Variants in TTC8 observed in about 807,000 individuals in gnomAD.
TTC8 encodes the protein tetratricopeptide repeat protein 8.
A neutral mutation model predicts 72.5 loss-of-function variants in TTC8; 47 were observed. That is an observed-to-expected ratio of 0.65 (90% CI 0.51 to 0.83). The LOEUF is 0.83. Ranked by LOEUF, TTC8 falls within the 40% of genes least tolerant of loss-of-function variation. TTC8 has a pLI of 0.00. For missense variants in TTC8, 611 were observed against 623.2 expected, an observed-to-expected ratio of 0.98 and a Z score of 0.21; for synonymous variants, 199 against 221.4, an observed-to-expected ratio of 0.90 and a Z score of 0.90.
intron 10 of TTC8, among the ~76,000 whole-genome samples, chr14:88,866,382 A>AACACACACACACACAC (rs10553603): frequency 1.4e-5 from 2 of 146,576 alleles, no homozygotes; most frequent in South Asian, 2.2e-4. Context: ...GGGAGATTTA[A>AACACACACACACACAC]ACACACACAC....
chr14:88,840,932 T>G lies in TTC8; in HGVS notation c.329+4T>G. ...GAGGGCCTAGCCAGGCCGTTAGGTA[T>G]GTACTTCTGCTTCATAACCTCTGCC... is the stretch of plus-strand genomic sequence containing the variant. On this transcript the variant is annotated splice_donor_region_variant and intron_variant, in intron 4 of 14. Coordinates refer to ENST00000380656, the MANE Select transcript of TTC8 (RefSeq NM_144596.4). 6.2e-7 allele frequency: 1 copy of G among 1,614,144 alleles called. No individual in the cohort carries two copies. Among genetic ancestry groups the G allele is most frequent in the Non-Finnish European group, 8.5e-7 (1 of 1,179,994 alleles).
intron 14 of TTC8, among the ~76,000 whole-genome samples, chr14:88,876,239 C>A (rs1419971940): frequency 6.6e-6 from 1 of 152,150 alleles, no homozygotes; most frequent in Non-Finnish European, 1.5e-5. Context: ...GTATATAACT[C>A]AAATGAGATA....
intron 14 of TTC8, among the ~76,000 whole-genome samples, chr14:88,875,384 A>G (rs111784687): frequency 7.9e-5 from 12 of 152,218 alleles, no homozygotes; most frequent in African/African-American, 2.9e-4. Flanking sequence ...AGAAATACTC[A>G]CTTAATAACT....
At chr14:88,832,157 A>C (rs1180985073) in intron 1 of TTC8, among the ~76,000 whole-genome samples, 1 of 152,172 alleles carries the variant, frequency 6.6e-6, no homozygotes, top group East Asian at 1.9e-4. Context: ...CTCTTCATCC[A>C]CATGATCAGC....
At chr14:88,825,375 G>A (rs981477749) in intron 1 of TTC8, among the ~76,000 whole-genome samples, 2 of 152,142 alleles carry the variant, frequency 1.3e-5, no homozygotes, top group Non-Finnish European at 2.9e-5. Flanking sequence ...GAGGGAGAAA[G>A]ATACATTCAT....
chr14:88,833,897 C>A, intron 2 of TTC8, 175 bp downstream of exon 2: 1 of 649,262 alleles, frequency 1.5e-6, no homozygotes, highest in South Asian at 1.8e-5. Context: ...ATTTTCAATA[C>A]TTTTGTGTAT....
intron 7 of TTC8, among the ~76,000 whole-genome samples, chr14:88,845,465 G>C (rs1340346587): frequency 6.6e-6 from 1 of 152,124 alleles, no homozygotes; most frequent in African/African-American, 2.4e-5. Context: ...GGACAGCCTG[G>C]GCCACATGTA....
intron 14 of TTC8, 116 bp from the exon 15 acceptor site, chr14:88,877,178 A>G (rs2094960568): frequency 2.5e-6 from 2 of 796,024 alleles, no homozygotes; most frequent in Non-Finnish European, 4.2e-6. Flanking sequence ...AAAAAAAAAG[A>G]AAAGAACCCT....
At chr14:88,858,309 G>T (rs1424283539) in intron 9 of TTC8, among the ~76,000 whole-genome samples, 1 of 151,838 alleles carries the variant, frequency 6.6e-6, no homozygotes, top group African/African-American at 2.4e-5. Flanking sequence ...CCTCACCAAG[G>T]CTACTTTGAA....
intron 2 of TTC8, chr14:88,834,098 T>G (rs756754708): frequency 1.1e-5 from 3 of 285,486 alleles, no homozygotes; most frequent in Non-Finnish European, 2.0e-5. Flanking sequence ...TGGGATGGCA[T>G]GTCTTGAGTC....
At chr14:88,828,995 T>A (rs541641107) in intron 1 of TTC8, among the ~76,000 whole-genome samples, 1 of 152,328 alleles carries the variant, frequency 6.6e-6, no homozygotes, top group African/African-American at 2.4e-5. Context: ...CATTTTAATT[T>A]GGCTACAAAA....
At chr14:88,848,249 T>C (rs112642043) in intron 7 of TTC8, among the ~76,000 whole-genome samples, 8 of 150,058 alleles carry the variant, frequency 5.3e-5, no homozygotes, top group African/African-American at 9.9e-5. Flanking sequence ...ACATTAGAGG[T>C]GTACTTTTTT....
rs370238882 is a variant in TTC8, at chr14:88,872,395, C to T, written c.1290C>T (p.His430=). ...TGGCTCTGGTCAACAACAACAACCA[C>T]GCCGAGGCCTACAACAACCTGGCTG... ...FRLALVNNNN[H]AEAYNNLAVL... is the part of the protein sequence containing the mutation. Residue 430 remains histidine, a synonymous_variant, in exon 13 of 15, where the codon CAC becomes CAT. Coordinates refer to ENST00000380656, the MANE Select transcript of TTC8 (RefSeq NM_144596.4). The T allele has an allele frequency of 1.3e-5, 21 of 1,613,940 alleles. No individual in the cohort carries two copies. The highest frequency in any genetic ancestry group is 1.6e-4 in the Middle Eastern group (1 of 6,080).
At chr14:88,874,281 A>C (rs1188038427) in intron 13 of TTC8, among the ~76,000 whole-genome samples, 1 of 152,092 alleles carries the variant, frequency 6.6e-6, no homozygotes, top group East Asian at 1.9e-4. Context: ...AGTTATACAA[A>C]TTTGTCTTCA....
intron 9 of TTC8, among the ~76,000 whole-genome samples, chr14:88,860,668 T>A (rs1489249744): frequency 2.0e-5 from 3 of 152,216 alleles, no homozygotes; most frequent in Non-Finnish European, 4.4e-5. Context: ...CTATTGCCAG[T>A]CTCTGGCAAT....
At chr14:88,875,986 G>A (rs932344963) in intron 14 of TTC8, among the ~76,000 whole-genome samples, 1 of 151,956 alleles carries the variant, frequency 6.6e-6, no homozygotes, top group African/African-American at 2.4e-5. Context: ...CCCTGTTTTT[G>A]GCACAGAGGA....
At chr14:88,845,781 G>T (rs1334815463) in intron 7 of TTC8, among the ~76,000 whole-genome samples, 1 of 152,118 alleles carries the variant, frequency 6.6e-6, no homozygotes, top group Non-Finnish European at 1.5e-5. Flanking sequence ...TCCAATGTAT[G>T]TTTGAACCAC....
In TTC8 at chr14:88,871,653, G is replaced by A. The variant is rs1201893672; in HGVS notation, c.1154G>A (p.Arg385His). 4.3e-6 allele frequency: 7 copies of A among 1,614,072 alleles called. No homozygotes were observed. The highest frequency in any genetic ancestry group is 2.7e-5 in the African/African-American group (2 of 74,996). ...QYDMTLTSFE[R>H]ALSLAENEEE... is the part of the protein sequence containing the mutation. ...GATATGACTCTGACCTCATTTGAAC[G>A]TGCCCTTTCTTTGGCTGAAAATGAA... is the stretch of plus-strand genomic sequence containing the variant. Residue 385 changes from arginine to histidine, a missense_variant, in exon 12 of 15, where the codon CGT becomes CAT. Transcript: ENST00000380656. The surrounding 1 kb of genome is among the most constrained non-coding windows in gnomAD (Gnocchi z 4.1).
Position 88,870,165 on chromosome 14 carries a change from C to G in TTC8, c.1016C>G (p.Ser339Cys), listed in dbSNP as rs1270987942. The G allele has an allele frequency of 6.2e-7, 1 of 1,614,120 alleles. No individual in the cohort carries two copies. The highest frequency in any genetic ancestry group is 8.5e-7 in the Non-Finnish European group (1 of 1,179,980). The change falls in exon 11 of 15, where the codon TCT becomes TGT. Residue 339 changes from serine to cysteine, a missense_variant. Ser to Cys is a moderately radical substitution (Grantham distance 112). Transcript: ENST00000380656. ...TGCATTGGAAGCAACCACTTCTATT[C>G]TGATCAGCCAGAAATAGCTCTCCGG... ...IACIGSNHFY[S>C]DQPEIALRFY...
Sources: allele counts gnomAD v4.1 joint callset (sites outside exome capture counted in the v4.1 genomes callset), GRCh38; gene constraint gnomAD v4.1.1; non-coding constraint Gnocchi (gnomAD v3.1); transcripts MANE v1.5; gene names NCBI Gene and HGNC (gene_info 2026-07-23, HGNC 2026-07-21).